LANCL3: variants seen among roughly 807,000 people sequenced by gnomAD.
LANCL3 encodes LanC like family member 3.
LANCL3 carries 19 observed loss-of-function variants against 26.5 expected under a neutral mutation model. The ratio of observed to expected loss-of-function variants is 0.72; its 90% confidence interval spans 0.50 to 1.05. The LOEUF (loss-of-function observed/expected upper bound fraction) is 1.05. LANCL3 is among the 50% of genes least tolerant of loss of function. The probability of loss-of-function intolerance (pLI) is 0.00; values close to 1 mark genes in which losing one functional copy is unlikely to be tolerated. For missense variants in LANCL3, 318 were observed against 362.7 expected, an observed-to-expected ratio of 0.88 and a Z score of 1.00; for synonymous variants, 160 against 166.6, an observed-to-expected ratio of 0.96 and a Z score of 0.30.
intron 1 of LANCL3, among the ~76,000 whole-genome samples, chrX:37,594,893 T>G (rs1924383539): frequency 9.0e-6 from 1 of 111,715 alleles, no homozygotes. Context: ...GGACTGGTAG[T>G]GCAATGCTGG....
Position 37,680,841 on chromosome X carries a change from G to A in LANCL3, c.*5028G>A, listed in dbSNP as rs972770308. ...AGTTTACCCCTCTGTGTGCGAGTGT[G>A]TGTGTGTGTGTGTGTAAGTAGTTGA... On this transcript the variant is annotated 3_prime_UTR_variant, in exon 5 of 5. Transcript: ENST00000378619. 9.0e-6 allele frequency: 1 copy of A among 111,529 alleles called. No individual in the cohort carries two copies. Among genetic ancestry groups the A allele is most frequent in the African/African-American group, 3.3e-5 (1 of 30,606 alleles). The allele number at this position is 111,529 out of a possible 1,213,427, so 9.2% of individuals were successfully genotyped here.
At chrX:37,617,127 G>A (rs1456351213) in intron 1 of LANCL3, among the ~76,000 whole-genome samples, 3 of 108,592 alleles carry the variant, frequency 2.8e-5, no homozygotes, top group African/African-American at 1.0e-4. Flanking sequence ...TGGGTGGGGG[G>A]GAGGGAGAGA....
At position 37,659,653 on chromosome X, in the gene LANCL3, G is replaced by A. The variant is rs1311517057; in HGVS notation, c.889G>A (p.Ala297Thr). 2.5e-6 allele frequency: 3 copies of A among 1,207,393 alleles called. No homozygotes were observed. Among genetic ancestry groups the A allele is most frequent in the East Asian group, 5.9e-5 (2 of 33,767 alleles). ...ENELVHWCHGAPGIAYLFAKA... is the reference protein window; with the variant it reads ...ENELVHWCHGTPGIAYLFAKA... Reference sequence around the variant, plus strand: ...TGAGCTGGTGCACTGGTGCCATGGCGCTCCAGGTCTCACACACTCTGTTAC... The same window carrying A: ...TGAGCTGGTGCACTGGTGCCATGGCACTCCAGGTCTCACACACTCTGTTAC... Residue 297 changes from alanine (A) to threonine (T), a missense_variant, in exon 3 of 5, where the codon GCT (alanine) becomes ACT (threonine). Ala to Thr is a moderately conservative substitution (Grantham distance 58, BLOSUM62 0). Coordinates refer to ENST00000378619, the MANE Select transcript of LANCL3 (RefSeq NM_001170331.2).
intron 1 of LANCL3, among the ~76,000 whole-genome samples, chrX:37,645,363 A>G (rs1316303609): frequency 8.9e-6 from 1 of 112,021 alleles, no homozygotes; most frequent in Admixed American, 9.4e-5. Flanking sequence ...ATAGCCCAGC[A>G]TAATAATGAT....
intron 1 of LANCL3, among the ~76,000 whole-genome samples, chrX:37,613,888 T>G (rs1367482995): frequency 8.9e-6 from 1 of 112,412 alleles, no homozygotes; most frequent in Non-Finnish European, 1.9e-5. Flanking sequence ...TGTGTGCTTT[T>G]CCTCATTACC....
Position 37,615,209 on chromosome X carries a change from A to T in LANCL3, c.574-40479A>T, listed in dbSNP as rs782036943. Among the ~76,000 whole-genome samples the T allele has an allele frequency of 2.7e-5, 3 of 111,509 alleles. No homozygotes were observed. In the East Asian group the frequency reaches 8.5e-4, roughly 31 times the overall value. On this transcript the variant is annotated intron_variant, in intron 1 of 4. Coordinates refer to ENST00000378619, the MANE Select transcript of LANCL3 (RefSeq NM_001170331.2). ...TAATGCGCGTAGAAGTCCCCAGGGG[A>T]TTTTGTTAAAATTTGGATTCTAATT... is the stretch of plus-strand genomic sequence containing the variant.
At chrX:37,616,014 C>T (rs1306841581) in intron 1 of LANCL3, among the ~76,000 whole-genome samples, 2 of 112,094 alleles carry the variant, frequency 1.8e-5, no homozygotes, top group African/African-American at 6.5e-5. Flanking sequence ...GACTCACACT[C>T]AGTGCAATTT....
At chrX:37,663,717 A>G (rs1214561942) in intron 3 of LANCL3, among the ~76,000 whole-genome samples, 1 of 111,403 alleles carries the variant, frequency 9.0e-6, no homozygotes, top group Non-Finnish European at 1.9e-5. Flanking sequence ...TCATCTAAGA[A>G]GGACACCTAG....
Position 37,616,839 on chromosome X carries a change from G to A in LANCL3, c.574-38849G>A. On this transcript the variant is annotated intron_variant, in intron 1 of 4. Transcript: ENST00000378619. ...GCACATCAGTATCATCTAGGGACTT[G>A]TTTGATATTCAGATTCTTGGGCCAT... is the stretch of plus-strand genomic sequence containing the variant. Among the ~76,000 whole-genome samples the A allele has an allele frequency of 2.7e-5, 3 of 111,714 alleles. No individual in the cohort carries two copies. In the Admixed American group the frequency reaches 2.9e-4, roughly 11 times the overall value.
chrX:37,682,126 G>A lies in LANCL3; in HGVS notation c.*6313G>A, dbSNP rs1268533334. The A allele has an allele frequency of 4.0e-5, 4 of 99,091 alleles. No individual in the cohort carries two copies. Among genetic ancestry groups the A allele is most frequent in the Non-Finnish European group, 8.1e-5 (4 of 49,527 alleles). The allele number at this position is 99,091 out of a possible 1,213,427, so 8.2% of individuals were successfully genotyped here. A position where few individuals can be genotyped will look rare whatever the true frequency, so the allele number is the denominator to read the frequency against. On this transcript the variant is annotated 3_prime_UTR_variant, in exon 5 of 5. Transcript: ENST00000378619. ...TTTTATTTTTTTTTTTTTTTGAGAC[G>A]GAGTCTCGCTCTGTCGCCCAGGCTG...
At chrX:37,639,271 A>T (rs1036627989) in intron 1 of LANCL3, among the ~76,000 whole-genome samples, 1 of 102,399 alleles carries the variant, frequency 9.8e-6, no homozygotes, top group Admixed American at 1.1e-4. Context: ...ATATATACAT[A>T]CATGTATATA....
intron 1 of LANCL3, among the ~76,000 whole-genome samples, chrX:37,579,549 A>C (rs1443499379): frequency 1.8e-5 from 2 of 111,685 alleles, no homozygotes; most frequent in African/African-American, 6.5e-5. Flanking sequence ...TCAAAATGGC[A>C]TGAAATTTAA....
intron 1 of LANCL3, among the ~76,000 whole-genome samples, chrX:37,633,039 T>A (rs1228903537): frequency 8.9e-6 from 1 of 112,106 alleles, no homozygotes; most frequent in African/African-American, 3.2e-5. Context: ...GATAATATCC[T>A]GCAGATTGTT....
chrX:37,634,457 G>A (rs372421740), intron 1 of LANCL3, among the ~76,000 whole-genome samples: 6 of 112,757 alleles, frequency 5.3e-5, no homozygotes, highest in South Asian at 7.4e-4. Flanking sequence ...ACTGTCCTGC[G>A]CCCACTGTCT....
chrX:37,587,712 G>T (rs1556418280), intron 1 of LANCL3, among the ~76,000 whole-genome samples: 1 of 112,648 alleles, frequency 8.9e-6, no homozygotes, highest in African/African-American at 3.2e-5. Flanking sequence ...TGCTTGGCTA[G>T]GAAAGGGAAT....
At chrX:37,640,583 G>A (rs1418892754) in intron 1 of LANCL3, among the ~76,000 whole-genome samples, 1 of 111,457 alleles carries the variant, frequency 9.0e-6, no homozygotes, top group Non-Finnish European at 1.9e-5. Context: ...CCATAGCAGG[G>A]CTCAATAATT....
intron 1 of LANCL3, among the ~76,000 whole-genome samples, chrX:37,642,465 A>G (rs1925888692): frequency 8.9e-6 from 1 of 111,942 alleles, no homozygotes; most frequent in East Asian, 2.8e-4. Flanking sequence ...CTCCTCCATC[A>G]TTCTCAGAAT....
chrX:37,639,551 G>C (rs1402635782), intron 1 of LANCL3, among the ~76,000 whole-genome samples: 1 of 110,019 alleles, frequency 9.1e-6, no homozygotes, highest in Admixed American at 9.7e-5. Flanking sequence ...TTATAGTGAG[G>C]GTACCTGGCA....
At position 37,682,467 on chromosome X, in the gene LANCL3, C is replaced by T. The variant is rs1229374331; in HGVS notation, c.*6654C>T. 1 of 112,016 alleles carries T rather than the reference C, an allele frequency of 8.9e-6. No homozygotes were observed. Among genetic ancestry groups the T allele is most frequent in the East Asian group, 2.8e-4 (1 of 3,595 alleles). 9.2% of individuals were successfully genotyped at this position (112,016 alleles called of 1,213,427 possible). The stretch of plus-strand genomic sequence containing the variant: ...GACATAGCAGTCAGTTTTAAAGATA[C>T]AGACTATAATTGACTACTGTCAATC... On this transcript the variant is annotated 3_prime_UTR_variant, in exon 5 of 5. Coordinates refer to ENST00000378619, the MANE Select transcript of LANCL3 (RefSeq NM_001170331.2).
Sources: gnomAD v4.1 joint callset for allele counts (sites outside exome capture counted in the v4.1 genomes callset) on GRCh38, gnomAD v4.1.1 for gene constraint, MANE v1.5 for transcripts, NCBI Gene and HGNC (gene_info 2026-07-23, HGNC 2026-07-21) for gene names.